ELOVL2: variants seen among roughly 807,000 people sequenced by gnomAD.
ELOVL2 encodes ELOVL fatty acid elongase 2, also known as very long chain fatty acid elongase 2.
ELOVL2 carries 38 observed loss-of-function variants against 37.7 expected under a neutral mutation model. That is an observed-to-expected ratio of 1.01 (90% CI 0.78 to 1.32). ELOVL2 has a LOEUF of 1.32. ELOVL2 is among the 40% of genes most tolerant of loss of function. The pLI, the probability that ELOVL2 is intolerant of heterozygous loss-of-function variation, is 0.00. For missense variants in ELOVL2, 352 were observed against 363.6 expected (o/e 0.97, Z 0.26); for synonymous variants, 115 against 122.3 (o/e 0.94, Z 0.40).
At chr6:11,027,398 TCTCCACCCAAAG>T (rs1782855336) in intron 1 of ELOVL2, among the ~76,000 whole-genome samples, 1 of 152,082 alleles carries the variant, frequency 6.6e-6, no homozygotes, top group East Asian at 1.9e-4. Context: ...ACTTTTTAAC[TCTCCACCCAAAG>T]CCGGAAATAA....
At position 11,003,332 on chromosome 6, in the gene ELOVL2, G is replaced by A. The variant is rs1010668184; in HGVS notation, c.255+2040C>T. On this transcript the variant is annotated intron_variant, in intron 3 of 7. Coordinates refer to ENST00000354666, the MANE Select transcript of ELOVL2 (RefSeq NM_017770.4). ...TCCCCACCCCCCGACAGGCCCGGGC[G>A]TGTGATGTTCCCCTCCCTGTGTCCA... 3.0e-4 allele frequency among the ~76,000 whole-genome samples: 46 copies of A among 152,102 alleles called. 1 individual carries two copies. Among genetic ancestry groups the A allele is most frequent in the Admixed American group, 2.6e-3 (40 of 15,274 alleles).
In ELOVL2 at chr6:11,014,087, G is replaced by T. The variant is rs186115478; in HGVS notation, c.4-3278C>A. Among the ~76,000 whole-genome samples the T allele has an allele frequency of 7.6e-4, 116 of 152,274 alleles. 1 individual carries two copies. The highest frequency in any genetic ancestry group is 4.1e-4 in the Non-Finnish European group (28 of 68,030). ...GTGTACAGCAAATATGAGAAGAATG[G>T]AAAGACTGGTAGCAGGGAGAGCCTT... On this transcript the variant is annotated intron_variant, in intron 1 of 7. Coordinates refer to ENST00000354666, the MANE Select transcript of ELOVL2 (RefSeq NM_017770.4).
At chr6:11,015,224 T>C (rs898331779) in intron 1 of ELOVL2, among the ~76,000 whole-genome samples, 2 of 152,132 alleles carry the variant, frequency 1.3e-5, no homozygotes, top group Non-Finnish European at 1.5e-5. Flanking sequence ...AGAATAGCCT[T>C]CAAAAATGAG....
chr6:10,994,468 CAAA>C (rs1297408324), intron 5 of ELOVL2, among the ~76,000 whole-genome samples: 1 of 51,092 alleles, frequency 2.0e-5, no homozygotes, highest in Admixed American at 2.2e-4. Flanking sequence ...AATTCCATCT[CAAA>C]AAAAAAAAAA....
chr6:11,031,069 G>C (rs1216466857), intron 1 of ELOVL2, among the ~76,000 whole-genome samples: 2 of 152,136 alleles, frequency 1.3e-5, no homozygotes, highest in African/African-American at 4.8e-5. Flanking sequence ...AGCTTGTTCT[G>C]TCATTCAAGA....
At chr6:10,995,696 C>G (rs113777278) in intron 4 of ELOVL2, among the ~76,000 whole-genome samples, 13 of 152,324 alleles carry the variant, frequency 8.5e-5, no homozygotes, top group African/African-American at 2.9e-4. Flanking sequence ...GGCTGAACTG[C>G]TGCTTCATTT....
chr6:10,998,433 TC>T (rs539023889), intron 4 of ELOVL2, among the ~76,000 whole-genome samples: 1 of 152,198 alleles, frequency 6.6e-6, no homozygotes, highest in Non-Finnish European at 1.5e-5. Flanking sequence ...TTTAATTCTT[TC>T]CCTCTAATTT....
intron 5 of ELOVL2, 94 bp downstream of exon 5, chr6:10,994,913 C>T: frequency 2.0e-6 from 2 of 1,013,224 alleles, no homozygotes; most frequent in Non-Finnish European, 2.8e-6. Context: ...TCCCTTCATG[C>T]TCTCCTGATC....
At chr6:11,039,809 T>C (rs1324155485) in intron 1 of ELOVL2, among the ~76,000 whole-genome samples, 2 of 152,220 alleles carry the variant, frequency 1.3e-5, no homozygotes, top group African/African-American at 4.8e-5. Context: ...AAAGTAATTA[T>C]ACTTCTCTGG....
chr6:11,009,904 A>G (rs904630939), intron 2 of ELOVL2, among the ~76,000 whole-genome samples: 1 of 152,120 alleles, frequency 6.6e-6, no homozygotes, highest in African/African-American at 2.4e-5. Context: ...CAAGAGTGGA[A>G]GAGGGGAGGC....
At chr6:10,995,371 A>AT (rs1782246750) in intron 4 of ELOVL2, among the ~76,000 whole-genome samples, 193 bp from the exon 5 acceptor site, 1 of 152,134 alleles carries the variant, frequency 6.6e-6, no homozygotes, top group African/African-American at 2.4e-5. Flanking sequence ...CTAGTGAGAG[A>AT]TGAGTTATTT....
intron 1 of ELOVL2, among the ~76,000 whole-genome samples, chr6:11,026,572 G>T (rs928261969): frequency 1.3e-5 from 2 of 152,198 alleles, no homozygotes; most frequent in African/African-American, 4.8e-5. Context: ...CAGCCACCAA[G>T]AAACTGATTC....
At position 10,998,915 on chromosome 6, in the gene ELOVL2, A is replaced by G. The variant is rs535831274; in HGVS notation, c.333+1172T>C. ...CTGATATTTCCAATTTGAATCTATC[A>G]TTAATGAGTTTTAGTTTAACTTTTT... On this transcript the variant is annotated intron_variant, in intron 4 of 7. Transcript: ENST00000354666. Among the ~76,000 whole-genome samples the G allele has an allele frequency of 5.9e-5, 9 of 152,348 alleles. No individual in the cohort carries two copies. In the East Asian group the frequency reaches 1.5e-3, roughly 26 times the overall value.
At chr6:10,995,372 T>C (rs971467992) in intron 4 of ELOVL2, among the ~76,000 whole-genome samples, 194 bp from the exon 5 acceptor site, 5 of 148,806 alleles carry the variant, frequency 3.4e-5, no homozygotes, top group Non-Finnish European at 7.5e-5. Context: ...TAGTGAGAGA[T>C]GAGTTATTTT....
intron 2 of ELOVL2, among the ~76,000 whole-genome samples, chr6:11,010,444 C>T (rs1332700585): frequency 6.6e-6 from 1 of 152,186 alleles, no homozygotes; most frequent in Non-Finnish European, 1.5e-5. Context: ...AAGCAGCATC[C>T]TTTAGAAGGA....
In ELOVL2 at chr6:10,985,488, C is replaced by T. The variant is rs748902323; in HGVS notation, c.766-1582G>A. Among the ~76,000 whole-genome samples the T allele has an allele frequency of 1.3e-3, 167 of 127,814 alleles. 1 individual carries two copies. The highest frequency in any genetic ancestry group is 2.1e-3 in the Non-Finnish European group (133 of 63,868). The allele number at this position is 127,814 out of a possible 152,430, so 83.9% of individuals were successfully genotyped here. A position where few individuals can be genotyped will look rare whatever the true frequency, so the allele number is the denominator to read the frequency against. On this transcript the variant is annotated intron_variant, in intron 7 of 7. Transcript: ENST00000354666. ...TAGGTTTTTATGGTTTTAGGTCTAA[C>T]GTTTAAGTCTTTAATCCATCTTGAA...
At chr6:11,043,434 GCTTA>G (rs1343249424) in intron 1 of ELOVL2, 15 of 50,502 alleles carry the variant, frequency 3.0e-4, no homozygotes, top group Admixed American at 1.7e-3. Context: ...CACACACACA[GCTTA>G]CTGTCAGGCA....
intron 2 of ELOVL2, among the ~76,000 whole-genome samples, chr6:11,009,579 G>A (rs748313446): frequency 2.0e-5 from 3 of 152,164 alleles, no homozygotes; most frequent in Non-Finnish European, 4.4e-5. Flanking sequence ...GACTCATCTG[G>A]AGGGAGGGGT....
chr6:11,005,340 T>C, intron 3 of ELOVL2, 32 bp downstream of exon 3: 3 of 1,586,576 alleles, frequency 1.9e-6, no homozygotes, highest in Non-Finnish European at 2.6e-6. Context: ...TGCTAGTTAC[T>C]GGACTTCAGC....
Sources: gnomAD v4.1 joint callset for allele counts (sites outside exome capture counted in the v4.1 genomes callset) on GRCh38, gnomAD v4.1.1 for gene constraint, MANE v1.5 for transcripts, NCBI Gene and HGNC (gene_info 2026-07-23, HGNC 2026-07-21) for gene names.